The following LANCL2 variants were observed in gnomAD, a reference collection of about 807,000 sequenced individuals.
LANCL2 encodes the protein LanC like glutathione S-transferase 2.
LANCL2 carries 33 observed loss-of-function variants against 56.9 expected under a neutral mutation model. The ratio of observed to expected loss-of-function variants is 0.58; its 90% CI spans 0.44 to 0.78. The LOEUF is 0.78. LANCL2 is among the 30% of genes least tolerant of loss of function. LANCL2 has a pLI of 0.00. For synonymous variants in LANCL2, 233 were observed against 228.2 expected (o/e 1.02, Z -0.19); for missense variants, 562 against 580.2 (o/e 0.97, Z 0.32).
chr7:55,415,275 C>T (rs1225964619), intron 6 of LANCL2, among the ~76,000 whole-genome samples: 4 of 152,226 alleles, frequency 2.6e-5, no homozygotes, highest in Admixed American at 1.3e-4. Context: ...CAGGGTGACA[C>T]GAGTGCAGTC....
intron 1 of LANCL2, among the ~76,000 whole-genome samples, chr7:55,372,203 T>C (rs527514072): frequency 7.4e-4 from 112 of 152,332 alleles, no homozygotes; most frequent in Middle Eastern, 3.4e-3. Context: ...TGGAAAGATA[T>C]TGACGTGGAA....
At chr7:55,419,417 T>G (rs1264215233) in intron 6 of LANCL2, among the ~76,000 whole-genome samples, 1 of 150,756 alleles carries the variant, frequency 6.6e-6, no homozygotes. Flanking sequence ...TTTTTTTTTT[T>G]TGGAGATAGA....
At position 55,398,469 on chromosome 7, in the gene LANCL2, A is replaced by G; in HGVS notation, c.369A>G (p.Gln123=). The G allele has an allele frequency of 6.2e-7, 1 of 1,614,180 alleles. No individual in the cohort carries two copies. Among genetic ancestry groups the G allele is most frequent in the Non-Finnish European group, 8.5e-7 (1 of 1,180,022 alleles). The part of the protein sequence containing the change: ...YLQLYRVTCD[Q]TYLLRSLDYV... ...AGTTGTACCGGGTCACATGTGACCA[A>G]ACCTACCTGCTCCGATCCCTGGATT... Residue 123 remains glutamine, a synonymous_variant, in exon 3 of 9, where the codon CAA becomes CAG. Transcript: ENST00000254770.
chr7:55,387,540 G>GTT (rs536930446), intron 1 of LANCL2, among the ~76,000 whole-genome samples: 5 of 138,656 alleles, frequency 3.6e-5, no homozygotes, highest in Admixed American at 7.2e-5. Flanking sequence ...GTTTTTTTTG[G>GTT]TTTTTTTTTT....
intron 1 of LANCL2, among the ~76,000 whole-genome samples, chr7:55,390,273 G>A (rs1044241707): frequency 1.3e-5 from 2 of 152,122 alleles, no homozygotes; most frequent in African/African-American, 4.8e-5. Flanking sequence ...GTCATAAGGG[G>A]AAACCTCCCA....
At chr7:55,411,818 A>G in intron 5 of LANCL2, 89 bp from the exon 6 acceptor site, 1 of 1,248,454 alleles carries the variant, frequency 8.0e-7, no homozygotes, top group Non-Finnish European at 1.1e-6. Flanking sequence ...TTTGTTTTCC[A>G]GGTAATTGAT....
intron 6 of LANCL2, among the ~76,000 whole-genome samples, chr7:55,424,918 T>C (rs1230235454): frequency 1.3e-5 from 2 of 152,208 alleles, no homozygotes; most frequent in African/African-American, 4.8e-5. Context: ...GGTTGCGCGC[T>C]CCTTATGAGA....
chr7:55,426,697 G>A (rs1790667922), intron 7 of LANCL2, among the ~76,000 whole-genome samples: 1 of 152,182 alleles, frequency 6.6e-6, no homozygotes, highest in Admixed American at 6.5e-5. Context: ...TAAGCAAAGG[G>A]GGATGAGGAA....
intron 6 of LANCL2, among the ~76,000 whole-genome samples, chr7:55,416,747 G>A (rs1790544034): frequency 6.6e-6 from 1 of 151,670 alleles, no homozygotes; most frequent in South Asian, 2.1e-4. Context: ...ATTCTTTATG[G>A]TATCTTTTGA....
Position 55,425,368 on chromosome 7 carries a change from T to C in LANCL2, c.1123T>C (p.Tyr375His). 1 of 1,614,206 alleles carries C rather than the reference T, an allele frequency of 6.2e-7. No individual in the cohort carries two copies. The highest frequency in any genetic ancestry group is 1.3e-5 in the African/African-American group (1 of 75,054). ...ATGCCATGGGACTGCTGGCAACGGCTATTCCTTCCTGTCCCTTTACCGTCT... is the reference window on the plus strand; with the variant it reads ...ATGCCATGGGACTGCTGGCAACGGCCATTCCTTCCTGTCCCTTTACCGTCT... ...GICHGTAGNG[Y>H]SFLSLYRLTQ... is the part of the protein sequence containing the mutation. Residue 375 changes from tyrosine to histidine, a missense_variant, in exon 7 of 9, where the codon TAT becomes CAT. Coordinates refer to ENST00000254770, the MANE Select transcript of LANCL2 (RefSeq NM_018697.4).
chr7:55,400,009 G>C lies in LANCL2; in HGVS notation c.583G>C (p.Glu195Gln), dbSNP rs1303916685. The change falls in exon 4 of 9, where the codon GAG becomes CAG. Residue 195 changes from glutamate to glutamine, a missense_variant. Coordinates refer to ENST00000254770, the MANE Select transcript of LANCL2 (RefSeq NM_018697.4). ...VVCQESDLPDELLYGRAGYLY... is the reference protein window; with the variant it reads ...VVCQESDLPDQLLYGRAGYLY... ...CTGCCAAGAATCAGACCTTCCTGAT[G>C]AGCTGCTTTATGGACGGGCAGGTTA... 6 of 1,613,832 alleles carry C rather than the reference G, an allele frequency of 3.7e-6. No homozygotes were observed. In the African/African-American group the frequency reaches 8.0e-5, roughly 22 times the overall value.
In LANCL2 at chr7:55,408,635, C is replaced by T. The variant is rs1669564039; in HGVS notation, c.826-3272C>T. On this transcript the variant is annotated intron_variant, in intron 5 of 8. Transcript: ENST00000254770. Reference sequence around the variant, plus strand: ...AGTGAGTCGAGATCACGCCACTGCACTCCAGCCTGGGTAACAGTATGAGAC... The same window carrying T: ...AGTGAGTCGAGATCACGCCACTGCATTCCAGCCTGGGTAACAGTATGAGAC... 1.3e-5 allele frequency among the ~76,000 whole-genome samples: 2 copies of T among 151,528 alleles called. 1 individual carries two copies. Among genetic ancestry groups the T allele is most frequent in the African/African-American group, 4.9e-5 (2 of 41,168 alleles).
chr7:55,368,396 A>G (rs1789899368), intron 1 of LANCL2, among the ~76,000 whole-genome samples: 1 of 152,252 alleles, frequency 6.6e-6, no homozygotes, highest in African/African-American at 2.4e-5. Context: ...TTGTGAGTAT[A>G]TGCTAAAGAA....
chr7:55,369,296 G>A (rs556733184), intron 1 of LANCL2, among the ~76,000 whole-genome samples: 11 of 152,188 alleles, frequency 7.2e-5, no homozygotes, highest in African/African-American at 2.2e-4. Flanking sequence ...TGATGTTACC[G>A]AGTAATGATT....
chr7:55,431,265 G>A lies in LANCL2; in HGVS notation c.1298G>A (p.Gly433Glu), dbSNP rs765581027. 1.2e-6 allele frequency: 2 copies of A among 1,613,898 alleles called. No homozygotes were observed. Among genetic ancestry groups the A allele is most frequent in the Non-Finnish European group, 1.7e-6 (2 of 1,179,950 alleles). ...ATTCACTTTCTCTCTGATGTCCTGGGACCAGAGACATCACGGTTTCCAGCA... is the reference window on the plus strand; with the variant it reads ...ATTCACTTTCTCTCTGATGTCCTGGAACCAGAGACATCACGGTTTCCAGCA... ...GAIHFLSDVL[G>E]PETSRFPAFE... The change falls in exon 9 of 9, where the codon GGA (glycine) becomes GAA (glutamate). Residue 433 changes from glycine to glutamate, a missense_variant. Around this residue, in one of 2 missense-constraint regions of LANCL2, gnomAD observed 378 missense variants for 468.4 expected, o/e 0.81. Transcript: ENST00000254770.
At chr7:55,396,580 G>T (rs1790255321) in intron 2 of LANCL2, among the ~76,000 whole-genome samples, 1 of 152,204 alleles carries the variant, frequency 6.6e-6, no homozygotes, top group African/African-American at 2.4e-5. Flanking sequence ...TGGCCAGAAG[G>T]TTGAGCCTGC....
intron 6 of LANCL2, among the ~76,000 whole-genome samples, chr7:55,412,399 A>G (rs991780237): frequency 1.3e-5 from 2 of 152,238 alleles, no homozygotes; most frequent in African/African-American, 2.4e-5. Flanking sequence ...CCAGTAAGGT[A>G]GTGGACAGGA....
At chr7:55,425,467 C>CCCGA in intron 7 of LANCL2, 37 bp downstream of exon 7, 1 of 1,589,682 alleles carries the variant, frequency 6.3e-7, no homozygotes. Flanking sequence ...TCTGAACAAC[C>CCCGA]CCGAGTGTGC....
chr7:55,404,475 G>A (rs1384454190), intron 5 of LANCL2, among the ~76,000 whole-genome samples: 8 of 152,140 alleles, frequency 5.3e-5, no homozygotes, highest in African/African-American at 1.9e-4. Context: ...ACTGCCTCAT[G>A]TTCTCACTCA....
Sources: gnomAD v4.1 joint callset for allele counts (sites outside exome capture counted in the v4.1 genomes callset) on GRCh38, gnomAD v4.1.1 for gene constraint, gnomAD v4.1.1 regional missense constraint, MANE v1.5 for transcripts, NCBI Gene and HGNC (gene_info 2026-07-23, HGNC 2026-07-21) for gene names.